TTLL7: variants seen among roughly 807,000 people sequenced by gnomAD.
TTLL7 encodes tubulin polyglutamylase TTLL7.
TTLL7 carries 53 observed loss-of-function variants against 120.2 expected under a neutral mutation model. The observed-to-expected ratio is 0.44, with a 90% CI of 0.35 to 0.55. TTLL7 has a LOEUF of 0.55. Ranked by LOEUF, TTLL7 falls within the 20% of genes least tolerant of loss-of-function variation. TTLL7 has a pLI of 0.00. For synonymous variants in TTLL7, 353 were observed against 351.7 expected (o/e 1.00, Z -0.04); for missense variants, 803 against 1,054.7 (o/e 0.76, Z 3.31).
At chr1:83,906,662 C>T (rs1657226416) in intron 16 of TTLL7, 199 bp from the exon 17 acceptor site, 4 of 642,562 alleles carry the variant, frequency 6.2e-6, no homozygotes, top group South Asian at 5.8e-5. Context: ...TTCACACTTC[C>T]ACAAGGTTAT....
At chr1:83,951,203 G>T (rs572290669) in intron 3 of TTLL7, among the ~76,000 whole-genome samples, 5 of 152,204 alleles carry the variant, frequency 3.3e-5, no homozygotes, top group Admixed American at 2.6e-4. Context: ...CAAAAAATTA[G>T]CCAGGTGTGG....
chr1:83,921,196 CA>C (rs1658624712), intron 11 of TTLL7, 36 bp from the exon 12 acceptor site: 2 of 1,609,344 alleles, frequency 1.2e-6, no homozygotes, highest in African/African-American at 2.7e-5. Context: ...TAAAATCCAA[CA>C]AGTGAATTAT....
intron 14 of TTLL7, among the ~76,000 whole-genome samples, chr1:83,917,027 G>C (rs1658248164): frequency 6.6e-6 from 1 of 151,632 alleles, no homozygotes; most frequent in South Asian, 2.1e-4. Flanking sequence ...CTTGAGCCCA[G>C]GAGTGTGAGG....
At position 83,867,347 on chromosome 1, in the gene TTLL7, A is replaced by G. The variant is rs906496706; in HGVS notation, c.*2615T>C. 2 of 152,024 alleles carry G rather than the reference A, an allele frequency of 1.3e-5. No homozygotes were observed. The highest frequency in any genetic ancestry group is 1.3e-4 in the Admixed American group (2 of 15,254). 9.4% of individuals were successfully genotyped at this position (152,024 alleles called of 1,614,324 possible). On this transcript the variant is annotated 3_prime_UTR_variant, in exon 21 of 21. Coordinates refer to ENST00000260505, the MANE Select transcript of TTLL7 (RefSeq NM_024686.6). ...ACCAGGTAGTATATATAAATAATGA[A>G]CACAAGGCTTTTATTCACAACTTCA...
intron 12 of TTLL7, among the ~76,000 whole-genome samples, chr1:83,920,862 T>A (rs1658589557): frequency 6.6e-6 from 1 of 151,942 alleles, no homozygotes. Context: ...TAACAGCAGG[T>A]TAAAAAGACC....
intron 6 of TTLL7, chr1:83,946,117 T>A (rs899019515): frequency 6.6e-6 from 1 of 152,220 alleles, no homozygotes; most frequent in Non-Finnish European, 1.5e-5. Flanking sequence ...AGTGGCTCGA[T>A]CTTGGCTCAC....
chr1:83,883,103 C>T lies in TTLL7; in HGVS notation c.2403G>A (p.Pro801=), dbSNP rs538884641. ...GGAGCTGCAAAGGAGTCACCACCTCCGGGCTTTTATTGAATATACTCTCCC... is the reference window on the plus strand; with the variant it reads ...GGAGCTGCAAAGGAGTCACCACCTCTGGGCTTTTATTGAATATACTCTCCC... ...SSWESIFNKS[P]EVVTPLQLQC... is the part of the protein sequence containing the mutation. Residue 801 remains proline, a synonymous_variant, in exon 20 of 21, where the codon CCG becomes CCA. Coordinates refer to ENST00000260505, the MANE Select transcript of TTLL7 (RefSeq NM_024686.6). 2.4e-5 allele frequency: 39 copies of T among 1,609,890 alleles called. No homozygotes were observed. Among genetic ancestry groups the T allele is most frequent in the Middle Eastern group, 1.7e-4 (1 of 5,978 alleles).
intron 14 of TTLL7, among the ~76,000 whole-genome samples, chr1:83,915,646 T>C (rs938457531): frequency 9.9e-5 from 15 of 152,032 alleles, no homozygotes; most frequent in African/African-American, 3.6e-4. Flanking sequence ...ACAAATGGGA[T>C]CTAATTAAAC....
intron 1 of TTLL7, chr1:83,978,997 G>T (rs1251981226): frequency 1.3e-5 from 2 of 152,206 alleles, no homozygotes; most frequent in Admixed American, 1.3e-4. Flanking sequence ...TGGACAGGAA[G>T]GATCTAGGCC....
At chr1:83,994,569 A>G (rs1653312724) in intron 1 of TTLL7, among the ~76,000 whole-genome samples, 1 of 152,248 alleles carries the variant, frequency 6.6e-6, no homozygotes, top group Admixed American at 6.5e-5. Flanking sequence ...TACTGGGAAC[A>G]AGGGGAGGGG....
chr1:83,933,620 T>C lies in TTLL7; in HGVS notation c.1035A>G (p.Pro345=), dbSNP rs778619986. 4.3e-6 allele frequency: 7 copies of C among 1,612,858 alleles called. No individual in the cohort carries two copies. Among genetic ancestry groups the C allele is most frequent in the Non-Finnish European group, 5.9e-6 (7 of 1,179,444 alleles). The change falls in exon 9 of 21, where the codon CCA becomes CCG. Residue 345 remains proline (P), a synonymous_variant. Coordinates refer to ENST00000260505, the MANE Select transcript of TTLL7 (RefSeq NM_024686.6). ...AAGAATGCCTTACCTCCAGAAGCCA[T>C]GGCTTTAGTTTTCTATCCAACAAAA... ...FDILLDRKLK[P]WLLEINRAPS... is the part of the protein sequence containing the mutation.
chr1:83,994,662 T>C (rs932499844), intron 1 of TTLL7, among the ~76,000 whole-genome samples: 3 of 152,170 alleles, frequency 2.0e-5, no homozygotes, highest in African/African-American at 7.2e-5. Flanking sequence ...CTGGCAAATG[T>C]ACAGGGGAGG....
chr1:83,986,972 T>C (rs1652511113), intron 1 of TTLL7, among the ~76,000 whole-genome samples: 1 of 152,078 alleles, frequency 6.6e-6, no homozygotes, highest in Admixed American at 6.5e-5. Flanking sequence ...GAAATAAAAC[T>C]GTCTCTATTT....
At chr1:83,914,390 G>A (rs1429891201) in intron 14 of TTLL7, among the ~76,000 whole-genome samples, 1 of 134,416 alleles carries the variant, frequency 7.4e-6, no homozygotes, top group Admixed American at 8.9e-5. Context: ...AGAGTGCAGT[G>A]GCGCGATCTT....
chr1:83,939,787 A>G (rs2100836496), intron 7 of TTLL7, among the ~76,000 whole-genome samples: 1 of 152,316 alleles, frequency 6.6e-6, no homozygotes, highest in African/African-American at 2.4e-5. Flanking sequence ...TTCTTATAGA[A>G]ATAATACAGC....
At chr1:83,894,400 G>A (rs1656040829) in intron 18 of TTLL7, among the ~76,000 whole-genome samples, 1 of 152,018 alleles carries the variant, frequency 6.6e-6, no homozygotes, top group Admixed American at 6.6e-5. Context: ...AAATGATAAA[G>A]GATTTGAGAC....
At position 83,911,365 on chromosome 1, in the gene TTLL7, T is replaced by TA. The variant is rs1657659267; in HGVS notation, c.1588-3dup. The TA allele has an allele frequency of 1.3e-6, 2 of 1,596,562 alleles. No homozygotes were observed. The highest frequency in any genetic ancestry group is 2.7e-5 in the African/African-American group (2 of 73,886). On this transcript the variant is annotated splice_polypyrimidine_tract_variant and splice_region_variant and intron_variant, in intron 14 of 20. Transcript: ENST00000260505. ...ACTCTCAGGCATAGAACACAGAGGC[T>TA]AAAAAAGATGGAAATGTGTTATTTT...
At chr1:83,886,129 A>T (rs2100716749) in intron 19 of TTLL7, among the ~76,000 whole-genome samples, 1 of 152,198 alleles carries the variant, frequency 6.6e-6, no homozygotes, top group African/African-American at 2.4e-5. Flanking sequence ...GAGACTTAGA[A>T]ATCCTCACAT....
chr1:83,885,937 G>C (rs896108751), intron 19 of TTLL7, among the ~76,000 whole-genome samples: 1 of 151,782 alleles, frequency 6.6e-6, no homozygotes, highest in African/African-American at 2.4e-5. Flanking sequence ...AAGGAAATAG[G>C]GTCACCAAAA....
Sources: gnomAD v4.1 joint callset for allele counts (sites outside exome capture counted in the v4.1 genomes callset) on GRCh38, gnomAD v4.1.1 for gene constraint, MANE v1.5 for transcripts, NCBI Gene and HGNC (gene_info 2026-07-23, HGNC 2026-07-21) for gene names.